IL1RAPL2: variants seen among roughly 807,000 people sequenced by gnomAD.
The protein encoded by IL1RAPL2 is X-linked interleukin-1 receptor accessory protein-like 2.
IL1RAPL2 carries 3 observed loss-of-function variants against 44.1 expected under a neutral mutation model. That is an observed-to-expected ratio of 0.07 (90% CI 0.03 to 0.18). The LOEUF (loss-of-function observed/expected upper bound fraction) is 0.18. Ranked by LOEUF, IL1RAPL2 falls within the 10% of genes least tolerant of loss-of-function variation. IL1RAPL2 has a pLI of 1.00. For synonymous variants in IL1RAPL2, 181 were observed against 178.8 expected (o/e 1.01, Z -0.10); for missense variants, 391 against 496.4 (o/e 0.79, Z 2.02).
At chrX:104,766,569 A>G (rs1932558038) in intron 2 of IL1RAPL2, among the ~76,000 whole-genome samples, 1 of 112,059 alleles carries the variant, frequency 8.9e-6, no homozygotes, top group African/African-American at 3.2e-5. Context: ...TTGGATACTT[A>G]TTATGTCCTA....
intron 2 of IL1RAPL2, among the ~76,000 whole-genome samples, chrX:104,943,013 T>C (rs944575640): frequency 6.3e-5 from 7 of 111,739 alleles, no homozygotes; most frequent in African/African-American, 2.3e-4. Flanking sequence ...TTTGCGTATA[T>C]TGAACCAGCC....
chrX:105,056,870 C>A (rs991671203), intron 2 of IL1RAPL2, among the ~76,000 whole-genome samples: 1 of 111,164 alleles, frequency 9.0e-6, no homozygotes, highest in South Asian at 3.8e-4. Flanking sequence ...AGGCTAAACC[C>A]CAAGCAAGCT....
At chrX:105,156,287 C>G (rs1261657421) in intron 2 of IL1RAPL2, among the ~76,000 whole-genome samples, 1 of 111,761 alleles carries the variant, frequency 8.9e-6, no homozygotes, top group African/African-American at 3.3e-5. Context: ...GTATACTTTC[C>G]TATCCATTAT....
chrX:105,144,568 A>G (rs1311690519), intron 2 of IL1RAPL2, among the ~76,000 whole-genome samples: 2 of 111,379 alleles, frequency 1.8e-5, no homozygotes, highest in African/African-American at 3.3e-5. Context: ...GTCTCTGACT[A>G]TCACTCACCA....
intron 5 of IL1RAPL2, among the ~76,000 whole-genome samples, chrX:105,335,151 C>T (rs1261997361): frequency 9.1e-6 from 1 of 110,401 alleles, no homozygotes; most frequent in Non-Finnish European, 1.9e-5. Flanking sequence ...TGGCTGCCCT[C>T]ATTTTGGTTA....
At chrX:105,018,174 G>A (rs1045387626) in intron 2 of IL1RAPL2, among the ~76,000 whole-genome samples, 2 of 111,517 alleles carry the variant, frequency 1.8e-5, no homozygotes, top group Admixed American at 1.9e-4. Context: ...TTCATAGATT[G>A]GTCTTTCAGA....
At chrX:105,141,921 T>C (rs2033129110) in intron 2 of IL1RAPL2, among the ~76,000 whole-genome samples, 1 of 112,153 alleles carries the variant, frequency 8.9e-6, no homozygotes, top group South Asian at 3.7e-4. Flanking sequence ...ATACCTTTAA[T>C]ATGCAAATGA....
chrX:104,597,259 G>A (rs904524226), intron 1 of IL1RAPL2, among the ~76,000 whole-genome samples: 5 of 107,585 alleles, frequency 4.6e-5, no homozygotes, highest in Admixed American at 1.0e-4. Flanking sequence ...CAGGAGAATT[G>A]CTTGAACCTG....
intron 5 of IL1RAPL2, among the ~76,000 whole-genome samples, chrX:105,307,629 A>G (rs2034760174): frequency 1.7e-5 from 1 of 57,166 alleles, no homozygotes; most frequent in South Asian, 9.1e-4. Context: ...TTTCTATTAT[A>G]TATATTATAT....
intron 6 of IL1RAPL2, among the ~76,000 whole-genome samples, chrX:105,508,974 C>G (rs1412267582): frequency 3.6e-5 from 4 of 111,878 alleles, no homozygotes; most frequent in African/African-American, 1.3e-4. Flanking sequence ...ACCTCTGTAA[C>G]TCAGCTTTTT....
intron 5 of IL1RAPL2, among the ~76,000 whole-genome samples, chrX:105,465,595 C>A (rs2036122804): frequency 9.0e-6 from 1 of 111,708 alleles, no homozygotes; most frequent in Non-Finnish European, 1.9e-5. Flanking sequence ...TAGAAACAGA[C>A]CCTGGATTTG....
chrX:105,644,217 A>T (rs1366256903), intron 6 of IL1RAPL2, among the ~76,000 whole-genome samples: 1 of 111,371 alleles, frequency 9.0e-6, no homozygotes, highest in South Asian at 3.8e-4. Context: ...AAAATGTCAG[A>T]ACTCTCATTA....
At chrX:104,868,270 A>G (rs946779682) in intron 2 of IL1RAPL2, among the ~76,000 whole-genome samples, 18 of 112,165 alleles carry the variant, frequency 1.6e-4, no homozygotes, top group African/African-American at 5.5e-4. Flanking sequence ...TATATTCTTG[A>G]TATGCTAGTA....
rs73527119 is a variant in IL1RAPL2 at position 105,402,739 on chromosome X, A to G, written c.698-81574A>G. On this transcript the variant is annotated intron_variant, in intron 5 of 10. Transcript: ENST00000372582. ...AAAATATTTTATGCTAACAGATTAC[A>G]GTAGGTAACAGTATGCCTTTGTTTC... is the stretch of plus-strand genomic sequence containing the variant. Among the ~76,000 whole-genome samples the G allele has an allele frequency of 2.7e-3, 304 of 111,702 alleles. 1 individual carries two copies. The highest frequency in any genetic ancestry group is 9.4e-3 in the African/African-American group (290 of 30,820).
At chrX:105,227,224 TAATAA>T (rs1375475982) in intron 3 of IL1RAPL2, among the ~76,000 whole-genome samples, 2 of 111,207 alleles carry the variant, frequency 1.8e-5, no homozygotes, top group Non-Finnish European at 3.8e-5. Flanking sequence ...AGTATAATAA[TAATAA>T]AATAAAAAAA....
chrX:105,122,268 T>C (rs1219725768), intron 2 of IL1RAPL2, among the ~76,000 whole-genome samples: 2 of 111,704 alleles, frequency 1.8e-5, no homozygotes, highest in Non-Finnish European at 3.8e-5. Flanking sequence ...TAACACAAGT[T>C]CTACAAGAGG....
intron 2 of IL1RAPL2, among the ~76,000 whole-genome samples, chrX:104,820,106 T>A (rs1314081913): frequency 1.8e-5 from 2 of 111,763 alleles, no homozygotes; most frequent in African/African-American, 3.3e-5. Context: ...AAATGGAATG[T>A]GCTTTAAAAT....
intron 2 of IL1RAPL2, among the ~76,000 whole-genome samples, chrX:104,912,991 C>T (rs1297790707): frequency 9.0e-6 from 1 of 111,218 alleles, no homozygotes; most frequent in African/African-American, 3.3e-5. Flanking sequence ...ATTATATAAG[C>T]AAGGCAGGAT....
chrX:105,418,498 G>A (rs16984755), intron 5 of IL1RAPL2, among the ~76,000 whole-genome samples: 24,849 of 110,901 alleles, frequency 0.22, 6,799 homozygotes, highest in African/African-American at 0.78. Context: ...ATAAAAACAA[G>A]TAAGATTAAC....
Sources: allele counts gnomAD v4.1 joint callset (sites outside exome capture counted in the v4.1 genomes callset), GRCh38; gene constraint gnomAD v4.1.1; transcripts MANE v1.5; gene names NCBI Gene and HGNC (gene_info 2026-07-23, HGNC 2026-07-21).